FAM117A: variants seen among roughly 807,000 people sequenced by gnomAD.
FAM117A encodes the protein protein FAM117A.
A neutral mutation model predicts 44.1 loss-of-function variants in FAM117A; 21 were observed. The observed-to-expected ratio is 0.48, with a 90% CI of 0.34 to 0.69. The LOEUF is 0.69. FAM117A is among the 30% of genes least tolerant of loss of function. FAM117A has a pLI of 0.01. For missense variants in FAM117A, 498 were observed against 589.9 expected (o/e 0.84, Z 1.61); for synonymous variants, 220 against 238.3 (o/e 0.92, Z 0.71).
chr17:49,746,817 C>T (rs997967312), intron 1 of FAM117A, among the ~76,000 whole-genome samples: 1 of 152,164 alleles, frequency 6.6e-6, no homozygotes, highest in Admixed American at 6.5e-5. Flanking sequence ...TAGAATTTAT[C>T]GGTAGTCTTC....
intron 4 of FAM117A, 121 bp from the exon 5 acceptor site, chr17:49,720,015 G>T (rs2073525990): frequency 1.5e-6 from 2 of 1,377,280 alleles, no homozygotes; most frequent in South Asian, 1.4e-5. Flanking sequence ...AGGGTGATTT[G>T]GGGACAGTTA....
chr17:49,788,703 A>C, upstream of FAM117A: 4 of 959,282 alleles, frequency 4.2e-6, no homozygotes, highest in Non-Finnish European at 6.0e-6. Flanking sequence ...AGACGCTGAG[A>C]GGCAGGAGGC....
intron 1 of FAM117A, among the ~76,000 whole-genome samples, chr17:49,780,337 G>GACAC (rs201222582): frequency 0.015 from 2,270 of 152,276 alleles, 31 homozygotes; most frequent in South Asian, 0.027. Context: ...CAGGTCACCA[G>GACAC]GAAAGTAGTG....
At chr17:49,720,300 G>T in intron 4 of FAM117A, 26 bp downstream of exon 4, 1 of 1,578,868 alleles carries the variant, frequency 6.3e-7, no homozygotes. Flanking sequence ...AGAACAGAGG[G>T]GAGAGGGCTG....
At chr17:49,757,731 G>A (rs1336375273) in intron 1 of FAM117A, among the ~76,000 whole-genome samples, 1 of 152,206 alleles carries the variant, frequency 6.6e-6, no homozygotes, top group Admixed American at 6.5e-5. Context: ...ACCTAATAAT[G>A]TGAGTAGATT....
chr17:49,719,532 C>T, intron 5 of FAM117A: 2 of 430,370 alleles, frequency 4.6e-6, no homozygotes. Context: ...CCAATCCTTG[C>T]CCCCTGTCTT....
chr17:49,760,666 T>C (rs544892890), intron 1 of FAM117A, among the ~76,000 whole-genome samples: 2 of 152,278 alleles, frequency 1.3e-5, no homozygotes, highest in East Asian at 3.9e-4. Context: ...CAAACCTAGA[T>C]GAAACATTAT....
intron 2 of FAM117A, among the ~76,000 whole-genome samples, chr17:49,725,151 G>A (rs2143717097): frequency 6.6e-6 from 1 of 152,280 alleles, no homozygotes; most frequent in East Asian, 1.9e-4. Context: ...CTCCAAGCCT[G>A]GTCTCCCGAT....
intron 2 of FAM117A, chr17:49,724,614 C>T: frequency 2.5e-6 from 1 of 399,432 alleles, no homozygotes; most frequent in Non-Finnish European, 5.1e-6. Flanking sequence ...GGGTGGATCA[C>T]TTGAGGTCAA....
At chr17:49,744,058 G>C (rs776656421) in intron 1 of FAM117A, among the ~76,000 whole-genome samples, 3 of 152,162 alleles carry the variant, frequency 2.0e-5, no homozygotes, top group Non-Finnish European at 4.4e-5. Context: ...TCTGCTTTAT[G>C]AACAAACCAT....
upstream of FAM117A, chr17:49,765,742 T>C (rs1424801566): frequency 6.6e-6 from 1 of 152,234 alleles, no homozygotes; most frequent in Non-Finnish European, 1.5e-5. Context: ...CAAAAATTGA[T>C]GAACTGATTA....
intron 7 of FAM117A, among the ~76,000 whole-genome samples, chr17:49,715,252 C>A (rs1033425729): frequency 1.3e-5 from 2 of 152,172 alleles, no homozygotes; most frequent in African/African-American, 2.4e-5. Context: ...ATGGTTTTCT[C>A]TGTAACTCCT....
rs2073523408 is a variant in FAM117A at position 49,719,585 on chromosome 17, G to A, written c.708+175C>T. 9.0e-6 allele frequency: 7 copies of A among 779,530 alleles called. No individual in the cohort carries two copies. The South Asian group carries it at 1.3e-4, about 14-fold the overall frequency. 48.3% of individuals were successfully genotyped at this position (779,530 alleles called of 1,614,324 possible). A position where few individuals can be genotyped will look rare whatever the true frequency, so the allele number is the denominator to read the frequency against. On this transcript the variant is annotated intron_variant, in intron 5 of 7. Transcript: ENST00000240364. Reference sequence around the variant, plus strand: ...AGCCTGCCCTAGTGACATGGGTTAAGGCCATTTGAGACTAATAAACTCCAT... The same window carrying A: ...AGCCTGCCCTAGTGACATGGGTTAAAGCCATTTGAGACTAATAAACTCCAT...
intron 1 of FAM117A, among the ~76,000 whole-genome samples, chr17:49,734,381 G>A (rs1057367573): frequency 2.4e-4 from 36 of 151,332 alleles, no homozygotes; most frequent in South Asian, 1.3e-3. Context: ...TCACGAGGTC[G>A]GGAGATCGAG....
chr17:49,781,700 G>C (rs1250464551), intron 1 of FAM117A, among the ~76,000 whole-genome samples: 1 of 152,192 alleles, frequency 6.6e-6, no homozygotes, highest in African/African-American at 2.4e-5. Context: ...ATTTCAGCCA[G>C]GCACAGTGGC....
upstream of FAM117A, chr17:49,788,854 G>A (rs1456994060): frequency 1.3e-6 from 2 of 1,588,388 alleles, no homozygotes; most frequent in South Asian, 1.1e-5. Context: ...AGGAAGGTGA[G>A]AAACGGGAGA....
At chr17:49,737,932 TG>T (rs1489850925) in intron 1 of FAM117A, among the ~76,000 whole-genome samples, 1 of 152,226 alleles carries the variant, frequency 6.6e-6, no homozygotes, top group Non-Finnish European at 1.5e-5. Context: ...CTGAGGCTGC[TG>T]GGACACCTGC....
intron 1 of FAM117A, among the ~76,000 whole-genome samples, chr17:49,787,328 T>TC (rs1395387384): frequency 2.0e-5 from 3 of 152,206 alleles, no homozygotes. Flanking sequence ...TTCAAATAAG[T>TC]TCTTACGTGC....
At chr17:49,719,978 G>A in intron 4 of FAM117A, 84 bp from the exon 5 acceptor site, 1 of 1,500,342 alleles carries the variant, frequency 6.7e-7, no homozygotes. Context: ...TAATGGTCAT[G>A]TCCACACAGC....
Sources: allele counts gnomAD v4.1 joint callset (sites outside exome capture counted in the v4.1 genomes callset), GRCh38; gene constraint gnomAD v4.1.1; transcripts MANE v1.5; gene names NCBI Gene and HGNC (gene_info 2026-07-23, HGNC 2026-07-21).